The following SPRY3 variants were observed in gnomAD, a reference collection of about 807,000 sequenced individuals.
SPRY3 encodes the protein sprouty RTK signaling antagonist 3.
A neutral mutation model predicts 20.2 loss-of-function variants in SPRY3; 15 were observed. That is an observed-to-expected ratio of 0.74 (90% CI 0.50 to 1.14). The LOEUF is 1.14. Among genes scored for constraint, SPRY3 ranks in the 50% most tolerant of loss-of-function variants. The pLI is 0.00. For missense variants in SPRY3, 364 were observed against 363.9 expected, an observed-to-expected ratio of 1.00 and a Z score of 0.00; for synonymous variants, 143 against 136.5, an observed-to-expected ratio of 1.05 and a Z score of -0.33.
rs1005907975 is a variant in SPRY3 at position 155,746,886 on chromosome X, A to G, written c.-281-21076A>G. On this transcript the variant is annotated intron_variant, in intron 2 of 3. Transcript: ENST00000675360. The stretch of plus-strand genomic sequence containing the variant: ...AGGCTACTGAGAGTGTTCACTCCAC[A>G]CATAAGGTTTCCAGGTACTATATGT... 8.1e-4 allele frequency among the ~76,000 whole-genome samples: 123 copies of G among 151,974 alleles called. 6 individuals are homozygous for G. The highest frequency in any genetic ancestry group is 5.9e-5 in the Non-Finnish European group (4 of 67,928).
rs188679721 is a variant in SPRY3, at chrX:155,641,512, G to A, written c.-440-15355G>A. Among the ~76,000 whole-genome samples the A allele has an allele frequency of 2.6e-5, 3 of 115,139 alleles. No homozygotes were observed. The East Asian group carries it at 8.1e-4, about 31-fold the overall frequency. Reference sequence around the variant, plus strand: ...GCTGTAGGCTTTATTGAGCAGAGTGGCAGTACAAAGCTTCCACAGCGTGGA... The same window carrying A: ...GCTGTAGGCTTTATTGAGCAGAGTGACAGTACAAAGCTTCCACAGCGTGGA... On this transcript the variant is annotated intron_variant, in intron 1 of 3. Coordinates refer to ENST00000675360, the Ensembl canonical transcript of SPRY3.
intron 1 of SPRY3, among the ~76,000 whole-genome samples, chrX:155,651,123 T>C (rs1158484846): frequency 1.8e-5 from 2 of 108,890 alleles, no homozygotes; most frequent in Admixed American, 9.7e-5. Flanking sequence ...TTTTCCAGAC[T>C]GGAGTGCAGT....
intron 2 of SPRY3, among the ~76,000 whole-genome samples, chrX:155,723,931 G>A (rs1483231579): frequency 6.6e-6 from 1 of 152,160 alleles, no homozygotes; most frequent in African/African-American, 2.4e-5. Context: ...TAACATTTAA[G>A]TCTTTAATCC....
intron 1 of SPRY3, among the ~76,000 whole-genome samples, chrX:155,624,241 G>A (rs782474581): frequency 3.6e-5 from 4 of 111,371 alleles, no homozygotes; most frequent in East Asian, 5.6e-4. Context: ...CAATTAATGC[G>A]CCTCTTCTCT....
intron 2 of SPRY3, among the ~76,000 whole-genome samples, chrX:155,679,583 T>C (rs756307463): frequency 1.8e-5 from 2 of 111,562 alleles, no homozygotes; most frequent in Admixed American, 9.5e-5. Context: ...TACTATCACA[T>C]TGGGGTTTAA....
At chrX:155,719,068 G>A (rs2091039863) in intron 2 of SPRY3, among the ~76,000 whole-genome samples, 1 of 152,172 alleles carries the variant, frequency 6.6e-6, no homozygotes, top group South Asian at 2.1e-4. Flanking sequence ...AGAAAAAACA[G>A]TCTTGAATCA....
chrX:155,765,583 C>T (rs2091322778), intron 2 of SPRY3, among the ~76,000 whole-genome samples: 1 of 152,148 alleles, frequency 6.6e-6, no homozygotes, highest in African/African-American at 2.4e-5. Flanking sequence ...TGGCCCATAG[C>T]AGGCATGGTT....
rs184819883 is a variant in SPRY3, at chrX:155,673,236, A to G, written c.-282+16211A>G. ...AAATAATAAAAAAAATTAAAAAAAG[A>G]ACATATAACATGTTAAAAAAAAAAA... is the stretch of plus-strand genomic sequence containing the variant. On this transcript the variant is annotated intron_variant, in intron 2 of 3. Transcript: ENST00000675360. Among the ~76,000 whole-genome samples, 745 of 109,883 alleles carry G rather than the reference A, an allele frequency of 6.8e-3. 6 individuals carry two copies. Among genetic ancestry groups the G allele is most frequent in the African/African-American group, 0.023 (704 of 30,247 alleles).
chrX:155,759,897 A>G (rs1043409644), intron 2 of SPRY3, among the ~76,000 whole-genome samples: 2 of 152,166 alleles, frequency 1.3e-5, no homozygotes, highest in Non-Finnish European at 2.9e-5. Flanking sequence ...TACATCCTCT[A>G]TGACTCAATT....
At chrX:155,736,044 T>C (rs1254452594) in intron 2 of SPRY3, among the ~76,000 whole-genome samples, 1 of 151,978 alleles carries the variant, frequency 6.6e-6, no homozygotes, top group Non-Finnish European at 1.5e-5. Flanking sequence ...CTAAATCTAC[T>C]TTCAAATAAC....
intron 1 of SPRY3, among the ~76,000 whole-genome samples, chrX:155,632,536 C>A (rs2067910051): frequency 9.0e-6 from 1 of 111,439 alleles, no homozygotes; most frequent in Non-Finnish European, 1.9e-5. Flanking sequence ...CTTGAAAGAA[C>A]TCAGCTTAAA....
intron 1 of SPRY3, among the ~76,000 whole-genome samples, chrX:155,616,963 T>G (rs1055282656): frequency 2.7e-5 from 3 of 109,613 alleles, no homozygotes; most frequent in Non-Finnish European, 3.8e-5. Flanking sequence ...CTATGTATAG[T>G]GGTTTTATTG....
At chrX:155,767,222 G>C (rs2091337377) in intron 2 of SPRY3, among the ~76,000 whole-genome samples, 1 of 151,862 alleles carries the variant, frequency 6.6e-6, no homozygotes, top group African/African-American at 2.4e-5. Context: ...CCAACGACAC[G>C]CGGGGGGAGG....
intron 2 of SPRY3, among the ~76,000 whole-genome samples, chrX:155,731,584 C>T (rs1569389441): frequency 6.6e-6 from 1 of 151,906 alleles, no homozygotes; most frequent in Non-Finnish European, 1.5e-5. Flanking sequence ...ATCTTTCTAG[C>T]AAATTGGACG....
chrX:155,698,876 T>C (rs2068127236), intron 2 of SPRY3, among the ~76,000 whole-genome samples: 1 of 111,793 alleles, frequency 8.9e-6, no homozygotes, highest in Non-Finnish European at 1.9e-5. Flanking sequence ...GGTGTAGAGA[T>C]TTCCCCAGTC....
chrX:155,766,491 C>G (rs761695471), intron 2 of SPRY3, among the ~76,000 whole-genome samples: 2 of 152,126 alleles, frequency 1.3e-5, no homozygotes, highest in Non-Finnish European at 2.9e-5. Context: ...TCACCATTTA[C>G]CATCTCAATT....
chrX:155,653,391 C>A (rs1409858412), intron 1 of SPRY3, among the ~76,000 whole-genome samples: 1 of 111,780 alleles, frequency 8.9e-6, no homozygotes, highest in Non-Finnish European at 1.9e-5. Flanking sequence ...ATATTTAGGT[C>A]TTTGAACTAT....
intron 1 of SPRY3, among the ~76,000 whole-genome samples, chrX:155,640,057 T>C (rs1439605497): frequency 8.9e-6 from 1 of 111,919 alleles, no homozygotes; most frequent in Non-Finnish European, 1.9e-5. Flanking sequence ...TTTAATTGAG[T>C]TATTTGTTTT....
intron 1 of SPRY3, among the ~76,000 whole-genome samples, chrX:155,653,254 T>C (rs782339345): frequency 8.9e-5 from 10 of 111,887 alleles, no homozygotes; most frequent in African/African-American, 2.9e-4. Flanking sequence ...TTTGATGAAG[T>C]CCATTTTATG....
Sources: allele counts gnomAD v4.1 joint callset (sites outside exome capture counted in the v4.1 genomes callset), GRCh38; gene constraint gnomAD v4.1.1; transcripts MANE v1.5; gene names NCBI Gene and HGNC (gene_info 2026-07-23, HGNC 2026-07-21).